The following KCNIP4 variants were observed in gnomAD, a reference collection of about 807,000 sequenced individuals.
The protein encoded by KCNIP4 is potassium voltage-gated channel interacting protein 4.
Under a neutral mutation model 34.0 loss-of-function variants are expected in KCNIP4, and 12 were observed. The observed-to-expected ratio is 0.35, with a 90% CI of 0.23 to 0.57. KCNIP4 has a LOEUF of 0.57. Ranked by LOEUF, KCNIP4 falls within the 20% of genes least tolerant of loss-of-function variation. The pLI is 0.83. For synonymous variants in KCNIP4, 124 were observed against 102.2 expected (o/e 1.21, Z -1.29); for missense variants, 238 against 311.7 (o/e 0.76, Z 1.78).
At chr4:21,353,836 C>G (rs545908538) in intron 1 of KCNIP4, among the ~76,000 whole-genome samples, 12 of 152,192 alleles carry the variant, frequency 7.9e-5, no homozygotes, top group African/African-American at 2.4e-4. Flanking sequence ...AACCCCAAGA[C>G]ACACAATTAT....
intron 1 of KCNIP4, among the ~76,000 whole-genome samples, chr4:21,368,479 T>G (rs1294529195): frequency 6.8e-6 from 1 of 147,286 alleles, no homozygotes; most frequent in Non-Finnish European, 1.5e-5. Context: ...AAAATTTACA[T>G]GCATGATTCT....
At chr4:21,687,316 TA>T (rs71191535) in intron 1 of KCNIP4, among the ~76,000 whole-genome samples, 27,796 of 120,994 alleles carry the variant, frequency 0.23, 3,166 homozygotes, top group South Asian at 0.32. Flanking sequence ...ACTTAAAGTA[TA>T]AAAAAAAAAA....
intron 1 of KCNIP4, among the ~76,000 whole-genome samples, chr4:21,765,218 C>T (rs988534784): frequency 2.0e-5 from 3 of 149,688 alleles, no homozygotes; most frequent in African/African-American, 5.0e-5. Flanking sequence ...TGGAGTGATG[C>T]GATCTCAGCT....
intron 1 of KCNIP4, among the ~76,000 whole-genome samples, chr4:21,917,286 C>T (rs569197132): frequency 3.4e-4 from 52 of 152,094 alleles, no homozygotes; most frequent in South Asian, 1.0e-3. Flanking sequence ...AGGCATACAC[C>T]GCCACACCCA....
At chr4:21,084,495 C>T (rs887491003) in intron 1 of KCNIP4, among the ~76,000 whole-genome samples, 2 of 148,922 alleles carry the variant, frequency 1.3e-5, no homozygotes, top group East Asian at 2.0e-4. Context: ...TCATATTAGG[C>T]CTGAGAATAG....
At chr4:21,238,887 A>G (rs1408370302) in intron 1 of KCNIP4, among the ~76,000 whole-genome samples, 1 of 152,170 alleles carries the variant, frequency 6.6e-6, no homozygotes, top group African/African-American at 2.4e-5. Context: ...TAAAGTTCAT[A>G]TGGAACCAAA....
intron 1 of KCNIP4, among the ~76,000 whole-genome samples, chr4:21,259,678 C>T (rs1201246124): frequency 6.6e-6 from 1 of 152,122 alleles, no homozygotes; most frequent in Non-Finnish European, 1.5e-5. Flanking sequence ...TTCTAAAGTG[C>T]CTTACGGTCA....
intron 1 of KCNIP4, among the ~76,000 whole-genome samples, chr4:21,562,403 C>T (rs775232954): frequency 6.6e-6 from 1 of 151,974 alleles, no homozygotes; most frequent in Non-Finnish European, 1.5e-5. Flanking sequence ...ACCAAGAATG[C>T]ACATATGAGC....
chr4:21,012,480 T>C (rs1252253332), intron 1 of KCNIP4, among the ~76,000 whole-genome samples: 1 of 152,158 alleles, frequency 6.6e-6, no homozygotes, highest in African/African-American at 2.4e-5. Context: ...ATTAATCAGA[T>C]TGCTTGAGCC....
intron 1 of KCNIP4, among the ~76,000 whole-genome samples, chr4:20,947,629 ACC>A (rs1732325180): frequency 6.6e-6 from 1 of 152,234 alleles, no homozygotes; most frequent in African/African-American, 2.4e-5. Flanking sequence ...GATTAAAATA[ACC>A]TAAATACAGA....
chr4:20,946,794 T>A (rs1732239897), intron 1 of KCNIP4, among the ~76,000 whole-genome samples: 1 of 152,156 alleles, frequency 6.6e-6, no homozygotes, highest in Non-Finnish European at 1.5e-5. Context: ...TATTCCAATC[T>A]AATAAAATGC....
intron 1 of KCNIP4, among the ~76,000 whole-genome samples, chr4:21,819,170 A>G (rs1326281725): frequency 6.6e-6 from 1 of 152,236 alleles, no homozygotes; most frequent in African/African-American, 2.4e-5. Flanking sequence ...AAACCCTGCC[A>G]GGGCTTCCTG....
chr4:21,069,602 T>C (rs1744714395), intron 1 of KCNIP4, among the ~76,000 whole-genome samples: 1 of 151,950 alleles, frequency 6.6e-6, no homozygotes, highest in Non-Finnish European at 1.5e-5. Context: ...GGAGAGGACA[T>C]AGGTTAAAAG....
chr4:21,567,115 AC>A (rs1156443418), intron 1 of KCNIP4, among the ~76,000 whole-genome samples: 1 of 152,136 alleles, frequency 6.6e-6, no homozygotes, highest in East Asian at 1.9e-4. Flanking sequence ...TCCTATAATC[AC>A]TATGACAAAG....
At chr4:20,784,343 C>T (rs1467614099) in intron 3 of KCNIP4, among the ~76,000 whole-genome samples, 1 of 152,108 alleles carries the variant, frequency 6.6e-6, no homozygotes. Context: ...CACCCTCAGC[C>T]TAGTGTTTAT....
intron 1 of KCNIP4, among the ~76,000 whole-genome samples, chr4:21,441,710 T>C (rs978197813): frequency 6.6e-6 from 1 of 152,182 alleles, no homozygotes; most frequent in African/African-American, 2.4e-5. Context: ...CTACTGCACA[T>C]TCCTCTTCAT....
chr4:21,352,834 A>T (rs996832927), intron 1 of KCNIP4, among the ~76,000 whole-genome samples: 4 of 152,178 alleles, frequency 2.6e-5, no homozygotes, highest in Non-Finnish European at 5.9e-5. Flanking sequence ...TGGGTCCCTG[A>T]TCCCAGTGTA....
chr4:21,868,249 A>G (rs972429583), intron 1 of KCNIP4, among the ~76,000 whole-genome samples: 1 of 152,208 alleles, frequency 6.6e-6, no homozygotes, highest in Admixed American at 6.5e-5. Context: ...GCTTGAGAAC[A>G]ATAAAATGGG....
intron 1 of KCNIP4, among the ~76,000 whole-genome samples, chr4:21,064,821 G>A (rs1387164344): frequency 6.6e-6 from 1 of 152,008 alleles, no homozygotes; most frequent in East Asian, 1.9e-4. Flanking sequence ...CGGTATATGT[G>A]AAATCACTTT....
Sources: allele counts gnomAD v4.1 joint callset (sites outside exome capture counted in the v4.1 genomes callset), GRCh38; gene constraint gnomAD v4.1.1; transcripts MANE v1.5; gene names NCBI Gene and HGNC (gene_info 2026-07-23, HGNC 2026-07-21).